PITPNA: variants seen among roughly 807,000 people sequenced by gnomAD.
PITPNA encodes the protein phosphatidylinositol transfer protein alpha isoform.
Under a neutral mutation model 50.3 loss-of-function variants are expected in PITPNA, and 13 were observed. The ratio of observed to expected loss-of-function variants is 0.26; its 90% CI spans 0.17 to 0.41. The LOEUF (loss-of-function observed/expected upper bound fraction) is 0.41. Ranked by LOEUF, PITPNA falls within the 10% of genes least tolerant of loss-of-function variation. PITPNA has a pLI of 1.00. For synonymous variants in PITPNA, 120 were observed against 119.6 expected, an observed-to-expected ratio of 1.00 and a Z score of -0.02; for missense variants, 207 against 333.4, an observed-to-expected ratio of 0.62 and a Z score of 2.95.
intron 3 of PITPNA, among the ~76,000 whole-genome samples, chr17:1,551,652 T>TA (rs1055359423): frequency 3.9e-5 from 6 of 152,340 alleles, no homozygotes; most frequent in African/African-American, 1.2e-4. Context: ...TGGACCAACT[T>TA]AGTCTTGAGG....
intron 3 of PITPNA, among the ~76,000 whole-genome samples, chr17:1,552,756 G>A (rs2075716100): frequency 1.3e-5 from 2 of 152,114 alleles, no homozygotes; most frequent in South Asian, 2.1e-4. Context: ...AATCCTACAC[G>A]GACTTCAGAG....
chr17:1,532,210 C>G (rs2075587391), intron 10 of PITPNA, among the ~76,000 whole-genome samples: 1 of 152,186 alleles, frequency 6.6e-6, no homozygotes, highest in African/African-American at 2.4e-5. Context: ...GCCTCAGCCT[C>G]CTGAGCAGCT....
At chr17:1,539,174 C>CCA (rs1456719355) in intron 6 of PITPNA, among the ~76,000 whole-genome samples, 1 of 152,116 alleles carries the variant, frequency 6.6e-6, no homozygotes, top group Admixed American at 6.6e-5. Context: ...CAATGGCTAT[C>CCA]CACAGGAGTG....
At chr17:1,527,046 T>TCGGTG (rs948922309) in intron 10 of PITPNA, among the ~76,000 whole-genome samples, 1 of 149,230 alleles carries the variant, frequency 6.7e-6, no homozygotes, top group African/African-American at 2.5e-5. Context: ...GTGTGAGCCA[T>TCGGTG]CGCACCCAGC....
intron 4 of PITPNA, among the ~76,000 whole-genome samples, chr17:1,543,403 C>T (rs567060503): frequency 1.2e-4 from 18 of 152,310 alleles, no homozygotes; most frequent in African/African-American, 3.9e-4. Flanking sequence ...CTCTACCTCC[C>T]GGGGCACAGA....
At chr17:1,528,051 C>CA (rs2075558543) in intron 10 of PITPNA, among the ~76,000 whole-genome samples, 2 of 152,082 alleles carry the variant, frequency 1.3e-5, no homozygotes, top group Non-Finnish European at 2.9e-5. Context: ...ATTAGGTAGG[C>CA]GTGGTGGCCT....
chr17:1,519,104 T>A lies in PITPNA; in HGVS notation c.*1457A>T, dbSNP rs2075492637. The A allele has an allele frequency of 6.6e-6, 1 of 152,462 alleles. No individual in the cohort carries two copies. Among genetic ancestry groups the A allele is most frequent in the African/African-American group, 2.4e-5 (1 of 41,436 alleles). The allele number at this position is 152,462 out of a possible 1,614,324, so 9.4% of individuals were successfully genotyped here. A position where few individuals can be genotyped will look rare whatever the true frequency, so the allele number is the denominator to read the frequency against. On this transcript the variant is annotated 3_prime_UTR_variant, in exon 12 of 12. Transcript: ENST00000313486. ...GGTGCAATCCTGTGAGACACTCCCT[T>A]ATTGCACTTAGAAATGAGTAAGGCA...
In PITPNA at chr17:1,553,786, G is replaced by A. The variant is rs149499877; in HGVS notation, c.52-637C>T. Among the ~76,000 whole-genome samples the A allele has an allele frequency of 3.2e-3, 486 of 152,196 alleles. 4 individuals are homozygous for A. The highest frequency in any genetic ancestry group is 0.011 in the African/African-American group (444 of 41,518). On this transcript the variant is annotated intron_variant, in intron 2 of 11. Coordinates refer to ENST00000313486, the MANE Select transcript of PITPNA (RefSeq NM_006224.4). ...ATCCGCAACCTCTATCGTAAAACTG[G>A]CTCATCTACTCGCTTCTTCTCTAGT...
chr17:1,560,340 G>A (rs569632867), intron 1 of PITPNA, among the ~76,000 whole-genome samples: 78 of 152,144 alleles, frequency 5.1e-4, no homozygotes, highest in Admixed American at 8.5e-4. Context: ...ACCTTCACTC[G>A]CACCCTTTCC....
intron 9 of PITPNA, among the ~76,000 whole-genome samples, chr17:1,534,686 G>A (rs1275830755): frequency 1.3e-5 from 2 of 152,148 alleles, no homozygotes; most frequent in Non-Finnish European, 1.5e-5. Context: ...TCAGGGCACC[G>A]GCCAACCTGG....
rs115753857 is a variant in PITPNA, at chr17:1,556,836, T to C, written c.51+1693A>G. On this transcript the variant is annotated intron_variant, in intron 2 of 11. Coordinates refer to ENST00000313486, the MANE Select transcript of PITPNA (RefSeq NM_006224.4). ...AGACAGCACAGGCTGGGTGAAGTGG[T>C]TGACATCTGTAATCCCAGCACTCTG... is the stretch of plus-strand genomic sequence containing the variant. 1.7e-3 allele frequency among the ~76,000 whole-genome samples: 263 copies of C among 152,166 alleles called. 1 individual carries two copies. Among genetic ancestry groups the C allele is most frequent in the African/African-American group, 6.1e-3 (254 of 41,524 alleles).
chr17:1,542,302 A>G (rs1039654732), intron 5 of PITPNA, among the ~76,000 whole-genome samples: 1 of 152,132 alleles, frequency 6.6e-6, no homozygotes, highest in Non-Finnish European at 1.5e-5. Flanking sequence ...GGTAGTAAGC[A>G]GTGTGGAAAG....
intron 11 of PITPNA, 45 bp from the exon 12 acceptor site, chr17:1,520,583 G>A (rs2075504551): frequency 2.7e-5 from 4 of 146,240 alleles, no homozygotes; most frequent in African/African-American, 1.0e-4. Context: ...GGAGAAAACA[G>A]AAACACTGTA....
At chr17:1,550,537 T>G (rs560635091) in intron 3 of PITPNA, among the ~76,000 whole-genome samples, 5 of 151,750 alleles carry the variant, frequency 3.3e-5, no homozygotes, top group East Asian at 1.9e-4. Flanking sequence ...ATTTTTTTGT[T>G]TTTTTTTTGA....
chr17:1,545,306 C>T (rs911922244), intron 4 of PITPNA, among the ~76,000 whole-genome samples: 10 of 152,256 alleles, frequency 6.6e-5, no homozygotes, highest in African/African-American at 2.2e-4. Flanking sequence ...AGGCATTTTA[C>T]TTCATGCTCC....
chr17:1,543,684 G>C (rs1190804578), intron 4 of PITPNA, among the ~76,000 whole-genome samples: 4 of 152,158 alleles, frequency 2.6e-5, no homozygotes, highest in Admixed American at 2.6e-4. Context: ...TTTGTAGAGT[G>C]TGTGGGGTAA....
intron 3 of PITPNA, among the ~76,000 whole-genome samples, chr17:1,551,475 T>C (rs990380225): frequency 5.3e-5 from 8 of 152,070 alleles, no homozygotes; most frequent in Admixed American, 2.6e-4. Flanking sequence ...TTATTTTTTG[T>C]AGAGATGGAG....
chr17:1,528,033 T>A (rs1005978182), intron 10 of PITPNA, among the ~76,000 whole-genome samples: 5 of 152,216 alleles, frequency 3.3e-5, no homozygotes, highest in East Asian at 1.9e-4. Flanking sequence ...ATTAAAAAAA[T>A]TTTAAAAATT....
intron 1 of PITPNA, among the ~76,000 whole-genome samples, chr17:1,558,819 G>A (rs2075753743): frequency 8.1e-6 from 1 of 123,506 alleles, no homozygotes; most frequent in African/African-American, 3.2e-5. Context: ...GTGCTCTGAG[G>A]ACAGGACCCT....
Sources: allele counts gnomAD v4.1 joint callset (sites outside exome capture counted in the v4.1 genomes callset), GRCh38; gene constraint gnomAD v4.1.1; transcripts MANE v1.5; gene names NCBI Gene and HGNC (gene_info 2026-07-23, HGNC 2026-07-21).